The following AP3B1 variants were observed in gnomAD, a reference collection of about 807,000 sequenced individuals.
The protein encoded by AP3B1 is AP-3 complex subunit beta-1.
Under a neutral mutation model 132.5 loss-of-function variants are expected in AP3B1, and 61 were observed. That is an observed-to-expected ratio of 0.46 (90% CI 0.37 to 0.57). The LOEUF (loss-of-function observed/expected upper bound fraction) is 0.57, where lower values mean the gene tolerates loss of function less well. Ranked by LOEUF, AP3B1 falls within the 20% of genes least tolerant of loss-of-function variation. The pLI is 0.00. For synonymous variants in AP3B1, 388 were observed against 438.3 expected (o/e 0.89, Z 1.43); for missense variants, 1,120 against 1,289.4 (o/e 0.87, Z 2.01).
chr5:78,212,250 C>A (rs1458644752), intron 7 of AP3B1, among the ~76,000 whole-genome samples: 1 of 152,100 alleles, frequency 6.6e-6, no homozygotes, highest in Admixed American at 6.6e-5. Flanking sequence ...CACTGCACCC[C>A]AGCCTGGGTG....
At chr5:78,047,737 C>G (rs1165916101) in intron 22 of AP3B1, among the ~76,000 whole-genome samples, 2 of 152,176 alleles carry the variant, frequency 1.3e-5, no homozygotes, top group Non-Finnish European at 2.9e-5. Flanking sequence ...ATGTGGGGCT[C>G]AGAGAAGTGA....
intron 2 of AP3B1, among the ~76,000 whole-genome samples, 159 bp downstream of exon 2, chr5:78,267,360 CT>C (rs1409574563): frequency 2.0e-5 from 3 of 151,640 alleles, no homozygotes; most frequent in East Asian, 1.9e-4. Context: ...CAATAATGTA[CT>C]TTTTTCTTTA....
intron 3 of AP3B1, among the ~76,000 whole-genome samples, chr5:78,230,214 T>C (rs1207023058): frequency 6.6e-6 from 1 of 152,216 alleles, no homozygotes; most frequent in African/African-American, 2.4e-5. Flanking sequence ...GGCAAAATCT[T>C]CCATTTATCT....
At chr5:78,109,758 T>A (rs923484194) in intron 20 of AP3B1, among the ~76,000 whole-genome samples, 16 of 152,166 alleles carry the variant, frequency 1.1e-4, no homozygotes, top group Admixed American at 1.0e-3. Flanking sequence ...ATATAAGTGG[T>A]TCCATTTGTT....
chr5:78,097,062 G>A (rs1248442916), intron 21 of AP3B1, among the ~76,000 whole-genome samples: 1 of 123,354 alleles, frequency 8.1e-6, no homozygotes, highest in Non-Finnish European at 1.7e-5. Context: ...GAGGGAGGTT[G>A]GGGGGTCAGC....
chr5:78,124,442 A>T (rs930453315), intron 17 of AP3B1, among the ~76,000 whole-genome samples: 3 of 152,168 alleles, frequency 2.0e-5, no homozygotes, highest in African/African-American at 7.2e-5. Flanking sequence ...TGGGTGATGT[A>T]GCTCATACCT....
At chr5:78,046,065 C>T (rs1015548248) in intron 22 of AP3B1, among the ~76,000 whole-genome samples, 23 of 152,298 alleles carry the variant, frequency 1.5e-4, no homozygotes, top group Admixed American at 1.1e-3. Context: ...TGCTGACCCC[C>T]GATCTAAGGG....
chr5:78,150,572 A>G (rs1040091345), intron 14 of AP3B1, among the ~76,000 whole-genome samples: 4 of 152,212 alleles, frequency 2.6e-5, no homozygotes, highest in African/African-American at 7.2e-5. Flanking sequence ...TGACAAACAC[A>G]TAATGCAGCA....
intron 2 of AP3B1, among the ~76,000 whole-genome samples, chr5:78,267,152 C>T (rs1405148997): frequency 6.6e-6 from 1 of 151,828 alleles, no homozygotes; most frequent in African/African-American, 2.4e-5. Flanking sequence ...AACATTTAGG[C>T]TGTGAAAGGA....
At chr5:78,025,845 A>C (rs1747319147) in intron 24 of AP3B1, among the ~76,000 whole-genome samples, 1 of 152,192 alleles carries the variant, frequency 6.6e-6, no homozygotes, top group African/African-American at 2.4e-5. Context: ...CACACAACCA[A>C]ATACAAAATC....
intron 3 of AP3B1, among the ~76,000 whole-genome samples, chr5:78,237,723 G>A (rs997700811): frequency 6.6e-6 from 1 of 152,132 alleles, no homozygotes; most frequent in Non-Finnish European, 1.5e-5. Context: ...TGAGGCAGGA[G>A]AATCACCTGA....
At chr5:78,193,899 C>A (rs546838333) in intron 7 of AP3B1, among the ~76,000 whole-genome samples, 11 of 151,024 alleles carry the variant, frequency 7.3e-5, no homozygotes, top group Non-Finnish European at 1.6e-4. Context: ...GGACTACAGG[C>A]ACCTGCCACC....
chr5:78,188,468 CAT>C (rs1298580131), intron 7 of AP3B1, among the ~76,000 whole-genome samples: 3 of 152,154 alleles, frequency 2.0e-5, no homozygotes, highest in Non-Finnish European at 4.4e-5. Context: ...AGCCAAGAAA[CAT>C]ATGAAAAATA....
intron 22 of AP3B1, chr5:78,044,133 G>T: frequency 3.5e-6 from 1 of 284,178 alleles, no homozygotes; most frequent in Non-Finnish European, 6.9e-6. Flanking sequence ...ACTTTCTCAG[G>T]CATCTCGAAA....
intron 21 of AP3B1, among the ~76,000 whole-genome samples, chr5:78,097,346 C>G (rs1168845216): frequency 7.3e-6 from 1 of 136,608 alleles, no homozygotes; most frequent in Non-Finnish European, 1.6e-5. Context: ...GGGGGTCAGC[C>G]CCCTGCCCGG....
chr5:78,214,059 C>A (rs913888589), intron 7 of AP3B1, among the ~76,000 whole-genome samples: 1 of 152,182 alleles, frequency 6.6e-6, no homozygotes, highest in African/African-American at 2.4e-5. Flanking sequence ...GGCTGATGTG[C>A]ACACTGGAAA....
chr5:78,198,447 C>G (rs936789580), intron 7 of AP3B1, among the ~76,000 whole-genome samples: 11 of 152,110 alleles, frequency 7.2e-5, no homozygotes, highest in Non-Finnish European at 1.5e-5. Flanking sequence ...GGTGAAGGCC[C>G]TCCTCCTGGT....
chr5:78,010,249 G>T (rs1746563584), intron 26 of AP3B1, among the ~76,000 whole-genome samples: 1 of 152,142 alleles, frequency 6.6e-6, no homozygotes. Context: ...TATAAACATA[G>T]GAAAAAATAT....
At chr5:78,123,333 C>A (rs1752312428) in intron 17 of AP3B1, among the ~76,000 whole-genome samples, 1 of 152,082 alleles carries the variant, frequency 6.6e-6, no homozygotes, top group African/African-American at 2.4e-5. Flanking sequence ...TAACAAAAGC[C>A]AAAATTGACA....
Sources: allele counts gnomAD v4.1 joint callset (sites outside exome capture counted in the v4.1 genomes callset), GRCh38; gene constraint gnomAD v4.1.1; transcripts MANE v1.5; gene names NCBI Gene and HGNC (gene_info 2026-07-23, HGNC 2026-07-21).